Variants in FRMPD4 observed in about 807,000 individuals in gnomAD.
FRMPD4 encodes FERM and PDZ domain containing 4.
In FRMPD4, 22 loss-of-function variants were observed where a neutral mutation model predicts 94.1. The ratio of observed to expected loss-of-function variants is 0.23; its 90% confidence interval spans 0.17 to 0.33. The LOEUF (loss-of-function observed/expected upper bound fraction) is 0.33. Among genes scored for constraint, FRMPD4 ranks in the 10% least tolerant of loss-of-function variants. The pLI is 1.00. For missense variants in FRMPD4, 1,111 were observed against 1,339.9 expected, an observed-to-expected ratio of 0.83 and a Z score of 2.67; for synonymous variants, 631 against 548.6, an observed-to-expected ratio of 1.15 and a Z score of -2.10.
Position 12,039,985 on chromosome X carries a change from GAAAA to G in FRMPD4, c.95+161973_95+161976del, listed in dbSNP as rs1019757074. Among the ~76,000 whole-genome samples the G allele has an allele frequency of 2.1e-5, 2 of 95,764 alleles. 1 individual carries two copies. The highest frequency in any genetic ancestry group is 4.2e-5 in the Non-Finnish European group (2 of 47,499). The allele number at this position is 95,764 out of a possible 115,157, so 83.2% of individuals were successfully genotyped here. The stretch of plus-strand genomic sequence containing the variant: ...ACTTTGTCAAAAAAAAAAAAAAAAA[GAAAA>G]AAAAAGAAAAAAGAATGTATTATGT... On this transcript the variant is annotated intron_variant, in intron 3 of 18. Coordinates refer to the FRMPD4 transcript ENST00000640291.
chrX:11,900,828 TC>T (rs1312191399), intron 3 of FRMPD4, among the ~76,000 whole-genome samples: 3 of 110,909 alleles, frequency 2.7e-5, no homozygotes, highest in African/African-American at 9.9e-5. Flanking sequence ...AAAGGGGGTT[TC>T]TTTAACACCA....
intron 3 of FRMPD4, among the ~76,000 whole-genome samples, chrX:11,981,924 T>G (rs1460035251): frequency 1.8e-5 from 2 of 111,831 alleles, no homozygotes; most frequent in African/African-American, 6.5e-5. Flanking sequence ...CACTCATCCC[T>G]TTCAGCTTAT....
chrX:12,281,263 C>G (rs1424963541), intron 1 of FRMPD4, among the ~76,000 whole-genome samples: 1 of 111,705 alleles, frequency 9.0e-6, no homozygotes, highest in Non-Finnish European at 1.9e-5. Context: ...TTTCACTTCC[C>G]AAACCAAGGA....
At chrX:12,052,310 A>C (rs2054822845) in intron 3 of FRMPD4, among the ~76,000 whole-genome samples, 1 of 111,790 alleles carries the variant, frequency 8.9e-6, no homozygotes, top group Non-Finnish European at 1.9e-5. Flanking sequence ...GTGGTCATTA[A>C]ATGCCCTTTG....
chrX:12,524,006 T>G (rs907221263), intron 2 of FRMPD4, among the ~76,000 whole-genome samples: 6 of 110,810 alleles, frequency 5.4e-5, no homozygotes, highest in Non-Finnish European at 9.5e-5. Flanking sequence ...AGTTTAAAAA[T>G]TAGGCAGGCT....
chrX:12,697,574 G>C (rs1212555713), intron 9 of FRMPD4, among the ~76,000 whole-genome samples: 1 of 112,363 alleles, frequency 8.9e-6, no homozygotes, highest in African/African-American at 3.2e-5. Flanking sequence ...GTCTTGGGGA[G>C]AGGAGACCTC....
intron 1 of FRMPD4, among the ~76,000 whole-genome samples, chrX:11,825,256 G>A (rs1438503000): frequency 2.0e-5 from 2 of 99,918 alleles, no homozygotes; most frequent in East Asian, 3.2e-4. Context: ...CACTCATCTC[G>A]TGCCTAATTG....
At position 12,256,635 on chromosome X, in the gene FRMPD4, C is replaced by T. The variant is rs973433167; in HGVS notation, c.41+117623C>T. ...CTCTTGATTTACAGTTGGAACATCT[C>T]TATTTGTGTGTACCTCGGTGCTTCC... On this transcript the variant is annotated intron_variant, in intron 1 of 16. Coordinates refer to ENST00000675598, the MANE Select transcript of FRMPD4 (RefSeq NM_001368397.1). Among the ~76,000 whole-genome samples the T allele has an allele frequency of 3.6e-5, 4 of 112,002 alleles. No homozygotes were observed. In the South Asian group the frequency reaches 1.1e-3, roughly 31 times the overall value.
intron 5 of FRMPD4, among the ~76,000 whole-genome samples, 170 bp from the exon 6 acceptor site, chrX:12,683,313 C>T (rs1569409007): frequency 8.9e-6 from 1 of 112,211 alleles, no homozygotes; most frequent in African/African-American, 3.2e-5. Context: ...AACTTATAGA[C>T]ATGACAGTGT....
At chrX:12,546,141 T>A (rs1053082241) in intron 2 of FRMPD4, among the ~76,000 whole-genome samples, 5 of 110,080 alleles carry the variant, frequency 4.5e-5, no homozygotes, top group African/African-American at 1.6e-4. Context: ...GTGAAATATA[T>A]CCCAAATCGT....
At chrX:12,613,472 G>A (rs192875343) in intron 3 of FRMPD4, among the ~76,000 whole-genome samples, 39 of 112,496 alleles carry the variant, frequency 3.5e-4, no homozygotes, top group Admixed American at 8.5e-4. Context: ...AAGTTACTAG[G>A]CCAAGAATTT....
At chrX:12,664,992 G>A (rs1184038392) in intron 4 of FRMPD4, among the ~76,000 whole-genome samples, 1 of 111,905 alleles carries the variant, frequency 8.9e-6, no homozygotes, top group African/African-American at 3.2e-5. Context: ...TATTTGCATA[G>A]AGGTGTTGAT....
chrX:11,841,684 C>T (rs887059483), intron 1 of FRMPD4, among the ~76,000 whole-genome samples: 1 of 109,266 alleles, frequency 9.2e-6, no homozygotes, highest in African/African-American at 3.3e-5. Flanking sequence ...AAATTTTCTC[C>T]CATGTTGTAG....
At chrX:12,696,586 C>CAAAAAAAAAAAAAAAAAAAAAAATAAAAA (rs57877846) in intron 9 of FRMPD4, among the ~76,000 whole-genome samples, 1 of 30,063 alleles carries the variant, frequency 3.3e-5, no homozygotes, top group Non-Finnish European at 6.6e-5. Flanking sequence ...AAAAATGAAG[C>CAAAAAAAAAAAAAAAAAAAAAAATAAAAA]AAAAAAAAAA....
intron 1 of FRMPD4, among the ~76,000 whole-genome samples, chrX:12,416,500 G>A (rs1010086856): frequency 3.6e-5 from 4 of 112,257 alleles, no homozygotes; most frequent in African/African-American, 1.3e-4. Context: ...TCTCTAATTT[G>A]TGGCATTAAT....
intron 2 of FRMPD4, among the ~76,000 whole-genome samples, chrX:12,551,356 T>C (rs1260125503): frequency 9.0e-6 from 1 of 110,597 alleles, no homozygotes; most frequent in African/African-American, 3.3e-5. Context: ...TATTTAAATA[T>C]ATATATCCAA....
chrX:12,574,284 G>T (rs1374771390), intron 2 of FRMPD4, among the ~76,000 whole-genome samples: 2 of 112,353 alleles, frequency 1.8e-5, no homozygotes, highest in Non-Finnish European at 3.8e-5. Context: ...ACAGGCGTGA[G>T]CCACCACACC....
In FRMPD4 at chrX:12,412,768, T is replaced by G. The variant is rs775482079; in HGVS notation, c.42-85912T>G. ...TGCACTTCATCTCATAGGCACATAG[T>G]GTACAAAAGCAAATAACTGCTGATT... is the stretch of plus-strand genomic sequence containing the variant. On this transcript the variant is annotated intron_variant, in intron 1 of 16. Coordinates refer to ENST00000675598, the MANE Select transcript of FRMPD4 (RefSeq NM_001368397.1). Among the ~76,000 whole-genome samples the G allele has an allele frequency of 2.4e-3, 273 of 112,039 alleles. 1 individual carries two copies. The highest frequency in any genetic ancestry group is 8.7e-3 in the African/African-American group (267 of 30,812).
chrX:12,309,081 C>A (rs923927910), intron 1 of FRMPD4, among the ~76,000 whole-genome samples: 1 of 112,415 alleles, frequency 8.9e-6, no homozygotes, highest in Non-Finnish European at 1.9e-5. Context: ...CTTGTTGCAG[C>A]TACTCAACTC....
Sources: gnomAD v4.1 joint callset for allele counts (sites outside exome capture counted in the v4.1 genomes callset) on GRCh38, gnomAD v4.1.1 for gene constraint, MANE v1.5 for transcripts, NCBI Gene and HGNC (gene_info 2026-07-23, HGNC 2026-07-21) for gene names.